The following TSHZ2 variants were observed in gnomAD, a reference collection of about 807,000 sequenced individuals.
TSHZ2 encodes the protein teashirt homolog 2.
In TSHZ2, 21 loss-of-function variants were observed where a neutral mutation model predicts 74.4. That is an observed-to-expected ratio of 0.28 (90% CI 0.20 to 0.41). The LOEUF is 0.41. TSHZ2 is among the 10% of genes least tolerant of loss of function. The probability of loss-of-function intolerance (pLI) is 1.00; values close to 1 mark genes in which losing one functional copy is unlikely to be tolerated. For synonymous variants in TSHZ2, 540 were observed against 515.3 expected (o/e 1.05, Z -0.65); for missense variants, 1,244 against 1,293.5 (o/e 0.96, Z 0.59).
intron 1 of TSHZ2, among the ~76,000 whole-genome samples, chr20:53,164,050 CTCCTT>C (rs1238045984): frequency 3.3e-5 from 5 of 152,086 alleles, no homozygotes. Flanking sequence ...TATTTAATCT[CTCCTT>C]TATTACAGGA....
chr20:53,158,838 G>A (rs1987859093), intron 1 of TSHZ2, among the ~76,000 whole-genome samples: 1 of 152,158 alleles, frequency 6.6e-6, no homozygotes, highest in African/African-American at 2.4e-5. Context: ...TTCTCCCATG[G>A]CCTCCCTGGC....
chr20:53,452,868 T>A (rs1291065398), intron 2 of TSHZ2, among the ~76,000 whole-genome samples: 1 of 152,230 alleles, frequency 6.6e-6, no homozygotes, highest in Non-Finnish European at 1.5e-5. Context: ...GTATTGCTGT[T>A]AGATTGCTGC....
intron 1 of TSHZ2, among the ~76,000 whole-genome samples, chr20:53,070,922 G>A (rs1423090864): frequency 6.6e-6 from 1 of 152,128 alleles, no homozygotes; most frequent in Non-Finnish European, 1.5e-5. Context: ...TAAATTACTG[G>A]TAGTCTGACA....
At chr20:53,162,796 G>A (rs1365221617) in intron 1 of TSHZ2, among the ~76,000 whole-genome samples, 1 of 152,152 alleles carries the variant, frequency 6.6e-6, no homozygotes, top group Non-Finnish European at 1.5e-5. Context: ...AGAGACATCT[G>A]CTGATTGTTT....
intron 1 of TSHZ2, among the ~76,000 whole-genome samples, chr20:53,008,958 G>A (rs1326114704): frequency 6.9e-6 from 1 of 145,732 alleles, no homozygotes; most frequent in Non-Finnish European, 1.5e-5. Flanking sequence ...TCTAGTAGAA[G>A]TTATTTGAAT....
rs182020435 is a variant in TSHZ2, at chr20:53,104,065, G to A, written c.40+130732G>A. On this transcript the variant is annotated intron_variant, in intron 1 of 2. Coordinates refer to ENST00000371497, the MANE Select transcript of TSHZ2 (RefSeq NM_173485.6). ...GCTGGCAATTTGCATGGTCTGATGA[G>A]ATCTGAAGTGGGAGGAAATGGACAT... 4.9e-3 allele frequency among the ~76,000 whole-genome samples: 741 copies of A among 152,320 alleles called. 28 individuals carry two copies. The highest frequency in any genetic ancestry group is 0.047 in the Admixed American group (712 of 15,302).
chr20:53,472,862 G>A (rs1404628546), intron 2 of TSHZ2, among the ~76,000 whole-genome samples: 5 of 152,068 alleles, frequency 3.3e-5, no homozygotes, highest in African/African-American at 1.2e-4. Context: ...AAGGGGTCAG[G>A]GAGTTCCCTT....
intron 2 of TSHZ2, among the ~76,000 whole-genome samples, chr20:53,362,234 G>A (rs1981090620): frequency 6.8e-6 from 1 of 146,706 alleles, no homozygotes; most frequent in Non-Finnish European, 1.5e-5. Context: ...GCCCAGGCCG[G>A]AGCGCAGTGG....
chr20:53,175,962 C>T (rs1022429033), intron 1 of TSHZ2, among the ~76,000 whole-genome samples: 3 of 152,168 alleles, frequency 2.0e-5, no homozygotes, highest in African/African-American at 4.8e-5. Flanking sequence ...AGAGTAAAAA[C>T]GTAAATAAAT....
chr20:53,051,473 A>G (rs1157024872), intron 1 of TSHZ2, among the ~76,000 whole-genome samples: 2 of 151,768 alleles, frequency 1.3e-5, no homozygotes, highest in African/African-American at 4.8e-5. Context: ...ACACACACAC[A>G]CACACACACA....
At position 53,185,130 on chromosome 20, in the gene TSHZ2, T is replaced by G. The variant is rs140730416; in HGVS notation, c.41-68369T>G. 5.4e-3 allele frequency among the ~76,000 whole-genome samples: 816 copies of G among 152,344 alleles called. 8 individuals are homozygous for G. The highest frequency in any genetic ancestry group is 0.019 in the African/African-American group (789 of 41,578). On this transcript the variant is annotated intron_variant, in intron 1 of 2. Coordinates refer to ENST00000371497, the MANE Select transcript of TSHZ2 (RefSeq NM_173485.6). ...TATACATTTTTTAAAATCTTTCATC[T>G]TTTTATGACCCAGAATTATAGAAGA...
intron 2 of TSHZ2, among the ~76,000 whole-genome samples, chr20:53,362,977 C>T (rs929904317): frequency 1.3e-5 from 2 of 152,218 alleles, no homozygotes; most frequent in African/African-American, 2.4e-5. Flanking sequence ...GGACGTTTTC[C>T]TGGCTTTGGG....
At chr20:53,433,632 T>A (rs1278744059) in intron 2 of TSHZ2, among the ~76,000 whole-genome samples, 1 of 122,222 alleles carries the variant, frequency 8.2e-6, no homozygotes, top group Non-Finnish European at 1.8e-5. Flanking sequence ...CAGAATTTTA[T>A]TGGCAAGGAA....
In TSHZ2 at chr20:53,416,437, C is replaced by A. The variant is rs146701243; in HGVS notation, c.*9-70707C>A. 1.1e-4 allele frequency among the ~76,000 whole-genome samples: 17 copies of A among 152,302 alleles called. No homozygotes were observed. The East Asian group carries it at 3.1e-3, about 28-fold the overall frequency. On this transcript the variant is annotated intron_variant, in intron 2 of 2. Transcript: ENST00000371497. ...GTTAGTTTTCCCACAGGGCTGTGAG[C>A]TTGAGAGCTAGTTCTTCGCCCTTTC...
intron 1 of TSHZ2, among the ~76,000 whole-genome samples, chr20:53,080,493 A>G (rs1187398089): frequency 6.6e-6 from 1 of 152,206 alleles, no homozygotes; most frequent in Non-Finnish European, 1.5e-5. Flanking sequence ...ACCAGGGATC[A>G]GCTTCATGGA....
At chr20:53,379,174 G>C (rs1167983603) in intron 2 of TSHZ2, among the ~76,000 whole-genome samples, 1 of 152,206 alleles carries the variant, frequency 6.6e-6, no homozygotes, top group Non-Finnish European at 1.5e-5. Flanking sequence ...TTGAGCCCAA[G>C]AGTTTGAGAC....
At chr20:53,188,922 T>C (rs1268299883) in intron 1 of TSHZ2, among the ~76,000 whole-genome samples, 1 of 152,190 alleles carries the variant, frequency 6.6e-6, no homozygotes, top group Non-Finnish European at 1.5e-5. Flanking sequence ...TTATAACATG[T>C]CTATGAGGAA....
chr20:53,406,291 G>A (rs759614437), intron 2 of TSHZ2, among the ~76,000 whole-genome samples: 12 of 152,198 alleles, frequency 7.9e-5, no homozygotes, highest in South Asian at 6.2e-4. Context: ...TAGACTCTCC[G>A]GGCTGCCAAA....
chr20:53,309,917 C>T (rs1568862614), intron 2 of TSHZ2, among the ~76,000 whole-genome samples: 1 of 152,162 alleles, frequency 6.6e-6, no homozygotes, highest in Non-Finnish European at 1.5e-5. Context: ...ATGGATAATG[C>T]TTTTAACTCC....
Sources: allele counts gnomAD v4.1 joint callset (sites outside exome capture counted in the v4.1 genomes callset), GRCh38; gene constraint gnomAD v4.1.1; transcripts MANE v1.5; gene names NCBI Gene and HGNC (gene_info 2026-07-23, HGNC 2026-07-21).